The following CNGB1 variants were observed in gnomAD, a reference collection of about 807,000 sequenced individuals.
CNGB1 encodes the protein cyclic nucleotide gated channel subunit beta 1.
Under a neutral mutation model 151.7 loss-of-function variants are expected in CNGB1, and 126 were observed. That is an observed-to-expected ratio of 0.83 (90% CI 0.72 to 0.96). The LOEUF is 0.96. Among genes scored for constraint, CNGB1 ranks in the 40% least tolerant of loss-of-function variants. The probability of loss-of-function intolerance (pLI) is 0.00; values close to 1 mark genes in which losing one functional copy is unlikely to be tolerated. For synonymous variants in CNGB1, 623 were observed against 635.1 expected (o/e 0.98, Z 0.29); for missense variants, 1,698 against 1,627.0 (o/e 1.04, Z -0.75).
intron 23 of CNGB1, among the ~76,000 whole-genome samples, chr16:57,914,795 G>A (rs1960816979): frequency 6.6e-6 from 1 of 152,148 alleles, no homozygotes; most frequent in Non-Finnish European, 1.5e-5. Flanking sequence ...GCACTTCCTT[G>A]CTCCTGCGAC....
chr16:57,959,505 G>A (rs183037316), intron 10 of CNGB1, among the ~76,000 whole-genome samples: 1 of 152,276 alleles, frequency 6.6e-6, no homozygotes, highest in East Asian at 1.9e-4. Flanking sequence ...AGGAGGCTGA[G>A]GCAGGAGAAT....
intron 31 of CNGB1, among the ~76,000 whole-genome samples, chr16:57,889,956 G>T (rs1765315044): frequency 6.6e-6 from 1 of 152,156 alleles, no homozygotes; most frequent in African/African-American, 2.4e-5. Context: ...ACGTGCCCAA[G>T]GTTACCAGGA....
At chr16:57,918,384 CAG>C (rs1332930677) in intron 20 of CNGB1, among the ~76,000 whole-genome samples, 1 of 152,156 alleles carries the variant, frequency 6.6e-6, no homozygotes, top group Non-Finnish European at 1.5e-5. Flanking sequence ...TGAGAAATCA[CAG>C]GAAAAGGTCA....
At chr16:57,910,845 C>T (rs1398825343) in intron 25 of CNGB1, among the ~76,000 whole-genome samples, 1 of 152,092 alleles carries the variant, frequency 6.6e-6, no homozygotes, top group African/African-American at 2.4e-5. Flanking sequence ...GCAAGCTGCA[C>T]CCCAACCACC....
At chr16:57,916,288 A>G in intron 21 of CNGB1, 109 bp from the exon 22 acceptor site, 2 of 1,069,156 alleles carry the variant, frequency 1.9e-6, no homozygotes, top group Non-Finnish European at 2.9e-6. Flanking sequence ...CGAGCATAAC[A>G]GCCCAAGGAC....
chr16:57,928,609 G>A (rs1306731968), intron 17 of CNGB1, among the ~76,000 whole-genome samples: 1 of 152,072 alleles, frequency 6.6e-6, no homozygotes, highest in Non-Finnish European at 1.5e-5. Flanking sequence ...TTTTTCTAGT[G>A]TTCTGTGGTG....
chr16:57,949,344 A>G lies in CNGB1; in HGVS notation c.1121+9T>C. ...GGGCCGTTCCCAGACAGGTGAGCAA[A>G]TGACTTACTCAGTCACCTCCTCCTC... On this transcript the variant is annotated intron_variant, in intron 14 of 32. Coordinates refer to ENST00000251102, the MANE Select transcript of CNGB1 (RefSeq NM_001297.5). 6.2e-7 allele frequency: 1 copy of G among 1,608,788 alleles called. No homozygotes were observed. Among genetic ancestry groups the G allele is most frequent in the Non-Finnish European group, 8.5e-7 (1 of 1,179,950 alleles).
intron 14 of CNGB1, among the ~76,000 whole-genome samples, chr16:57,944,062 A>G (rs1347898244): frequency 6.6e-6 from 1 of 151,570 alleles, no homozygotes; most frequent in Non-Finnish European, 1.5e-5. Flanking sequence ...TAATTTTTGT[A>G]TTTTTAGTAG....
intron 13 of CNGB1, among the ~76,000 whole-genome samples, chr16:57,949,964 A>G (rs1489620506): frequency 6.6e-6 from 1 of 152,218 alleles, no homozygotes; most frequent in African/African-American, 2.4e-5. Flanking sequence ...TTTTGGAACC[A>G]ACCTAAATGT....
chr16:57,891,103 TGGGTAACA>T (rs1327430221), intron 31 of CNGB1, among the ~76,000 whole-genome samples: 3 of 152,146 alleles, frequency 2.0e-5, no homozygotes, highest in Non-Finnish European at 4.4e-5. Flanking sequence ...CCCAGCAGGA[TGGGTAACA>T]GCTAAAAGCA....
At position 57,918,773 on chromosome 16, in the gene CNGB1, C is replaced by G. The variant is rs139981351; in HGVS notation, c.1957+326G>C. 3.4e-3 allele frequency among the ~76,000 whole-genome samples: 513 copies of G among 152,286 alleles called. 2 individuals are homozygous for G. Among genetic ancestry groups the G allele is most frequent in the African/African-American group, 0.012 (490 of 41,558 alleles). On this transcript the variant is annotated intron_variant, in intron 20 of 32. Coordinates refer to ENST00000251102, the MANE Select transcript of CNGB1 (RefSeq NM_001297.5). ...GGAATGCAATTGTGCGATCTTGACT[C>G]AGTGCACTCTCCACCTCCTGGATTC...
intron 25 of CNGB1, among the ~76,000 whole-genome samples, chr16:57,910,818 C>A (rs1196578504): frequency 6.6e-6 from 1 of 152,004 alleles, no homozygotes; most frequent in African/African-American, 2.4e-5. Context: ...TATCCTGTCC[C>A]GCTAAAATGT....
At position 57,884,374 on chromosome 16, in the gene CNGB1, G is replaced by T. The variant is rs760331816; in HGVS notation, c.3546C>A (p.Asp1182Glu). 4.3e-6 allele frequency: 7 copies of T among 1,612,004 alleles called. No individual in the cohort carries two copies. Among genetic ancestry groups the T allele is most frequent in the African/African-American group, 4.0e-5 (3 of 74,850 alleles). ...CGGGGGGCGTCCGGGGCGCGGGTGG[G>T]TCGGTGGCGGCCTCCTTTGGGTGCG... The part of the protein sequence containing the change: ...QHTHPKEAAT[D>E]PPAPRTPPEP... The change falls in exon 33 of 33, where the codon GAC becomes GAA. Residue 1182 changes from aspartate to glutamate, a missense_variant. Transcript: ENST00000251102.
Position 57,917,262 on chromosome 16 carries a change from ACT to A in CNGB1, c.2166+4_2166+5del. The A allele has an allele frequency of 2.5e-6, 4 of 1,610,736 alleles. No homozygotes were observed. Among genetic ancestry groups the A allele is most frequent in the Non-Finnish European group, 3.4e-6 (4 of 1,178,456 alleles). The stretch of plus-strand genomic sequence containing the variant: ...GTCACCCCAACACCACCTGCCTGTG[ACT>A]CACAATGATGTCCCCGCCTCTGACA... On this transcript the variant is annotated splice_donor_5th_base_variant and intron_variant, in intron 21 of 32. Transcript: ENST00000251102.
At chr16:57,965,861 A>G (rs1262560114) in intron 2 of CNGB1, among the ~76,000 whole-genome samples, 1 of 152,250 alleles carries the variant, frequency 6.6e-6, no homozygotes, top group African/African-American at 2.4e-5. Flanking sequence ...ATGTTCACAT[A>G]CATTGTCATG....
chr16:57,948,220 C>T lies in CNGB1; in HGVS notation c.1121+1133G>A, dbSNP rs141552031. 1.7e-3 allele frequency among the ~76,000 whole-genome samples: 265 copies of T among 152,312 alleles called. 1 individual carries two copies. Among genetic ancestry groups the T allele is most frequent in the African/African-American group, 5.2e-3 (217 of 41,562 alleles). ...GCTGCCAGATCATGCCACTCTCCTG[C>T]TCATGAACCTTCAATGGCTCCCCAT... On this transcript the variant is annotated intron_variant, in intron 14 of 32. Coordinates refer to ENST00000251102, the MANE Select transcript of CNGB1 (RefSeq NM_001297.5).
intron 31 of CNGB1, among the ~76,000 whole-genome samples, chr16:57,891,611 C>T (rs1240043974): frequency 6.6e-6 from 1 of 152,076 alleles, no homozygotes; most frequent in Non-Finnish European, 1.5e-5. Context: ...GGCTGCATTA[C>T]AGTGGTGTGA....
intron 19 of CNGB1, 121 bp from the exon 20 acceptor site, chr16:57,919,375 C>T: frequency 6.4e-7 from 1 of 1,553,846 alleles, no homozygotes. Context: ...CACCATTATA[C>T]AAGCTACTGC....
intron 17 of CNGB1, among the ~76,000 whole-genome samples, chr16:57,926,886 A>T (rs1357134375): frequency 6.6e-6 from 1 of 152,232 alleles, no homozygotes; most frequent in African/African-American, 2.4e-5. Flanking sequence ...AGGCTGAGGT[A>T]GGAGAATCGC....
Sources: allele counts gnomAD v4.1 joint callset (sites outside exome capture counted in the v4.1 genomes callset), GRCh38; gene constraint gnomAD v4.1.1; transcripts MANE v1.5; gene names NCBI Gene and HGNC (gene_info 2026-07-23, HGNC 2026-07-21).